HTR3A: variants seen among roughly 807,000 people sequenced by gnomAD.
HTR3A encodes 5-hydroxytryptamine (serotonin) receptor 3A, ionotropic.
HTR3A carries 45 observed loss-of-function variants against 54.8 expected under a neutral mutation model. The ratio of observed to expected loss-of-function variants is 0.82; its 90% CI spans 0.65 to 1.05. HTR3A has a LOEUF of 1.05. HTR3A is among the 50% of genes least tolerant of loss of function. HTR3A has a pLI of 0.00. For synonymous variants in HTR3A, 297 were observed against 256.0 expected, an observed-to-expected ratio of 1.16 and a Z score of -1.53; for missense variants, 657 against 614.0, an observed-to-expected ratio of 1.07 and a Z score of -0.74.
chr11:113,986,388 C>G, intron 6 of HTR3A, 130 bp from the exon 7 acceptor site: 1 of 1,137,870 alleles, frequency 8.8e-7, no homozygotes, highest in South Asian at 1.3e-5. Context: ...GTATGGGGGT[C>G]TGTCTGTTTT....
At chr11:113,978,942 T>C (rs1950387930) in intron 2 of HTR3A, among the ~76,000 whole-genome samples, 1 of 152,156 alleles carries the variant, frequency 6.6e-6, no homozygotes, top group Non-Finnish European at 1.5e-5. Flanking sequence ...TGAGCTGAGA[T>C]TGTGCCACTG....
intron 1 of HTR3A, among the ~76,000 whole-genome samples, chr11:113,976,216 G>A (rs558685081): frequency 5.3e-5 from 8 of 152,226 alleles, no homozygotes; most frequent in Admixed American, 2.6e-4. Flanking sequence ...GGAGTGCTCC[G>A]TGGGTTAAGC....
intron 1 of HTR3A, 35 bp from the exon 2 acceptor site, chr11:113,977,736 G>T (rs754854001): frequency 1.2e-6 from 2 of 1,610,026 alleles, no homozygotes; most frequent in Non-Finnish European, 1.7e-6. Flanking sequence ...AGTCTTGGGG[G>T]GCTGGTGTCT....
intron 3 of HTR3A, among the ~76,000 whole-genome samples, chr11:113,979,610 T>C (rs1162538397): frequency 6.6e-6 from 1 of 152,180 alleles, no homozygotes; most frequent in Non-Finnish European, 1.5e-5. Context: ...CCATTCTTCC[T>C]TCTATTCAGC....
intron 4 of HTR3A, among the ~76,000 whole-genome samples, chr11:113,982,711 C>T (rs915386384): frequency 6.6e-6 from 1 of 152,184 alleles, no homozygotes; most frequent in African/African-American, 2.4e-5. Context: ...CAGGATGGAA[C>T]ACAAGATCCT....
Position 113,986,181 on chromosome 11 carries a change from T to G in HTR3A, c.705+6T>G. On this transcript the variant is annotated splice_donor_region_variant and intron_variant, in intron 6 of 8. Coordinates refer to ENST00000504030, the MANE Select transcript of HTR3A (RefSeq NM_000869.6). ...ATGCAGAAATGAAGTTCTATGTGAG[T>G]GGGAGTGAATGTGGGTAAAATGGTG... The G allele has an allele frequency of 1.2e-6, 2 of 1,613,998 alleles. No homozygotes were observed. The highest frequency in any genetic ancestry group is 1.7e-6 in the Non-Finnish European group (2 of 1,179,974).
chr11:113,983,049 C>T, intron 4 of HTR3A, 71 bp from the exon 5 acceptor site: 2 of 1,577,556 alleles, frequency 1.3e-6, no homozygotes, highest in South Asian at 1.1e-5. Context: ...CCCAGTTGTT[C>T]CAAGATCTTC....
chr11:113,984,778 T>C (rs888769237), intron 5 of HTR3A, among the ~76,000 whole-genome samples: 9 of 152,210 alleles, frequency 5.9e-5, no homozygotes, highest in South Asian at 2.1e-4. Flanking sequence ...ATTAGCCAGG[T>C]GCAGTGGCAG....
intron 2 of HTR3A, among the ~76,000 whole-genome samples, chr11:113,978,563 G>T (rs944362853): frequency 3.3e-5 from 5 of 152,136 alleles, no homozygotes; most frequent in African/African-American, 7.2e-5. Context: ...TAGAGACAGG[G>T]TTTTTCCATA....
At chr11:113,985,533 T>C (rs1338570766) in intron 5 of HTR3A, among the ~76,000 whole-genome samples, 1 of 152,230 alleles carries the variant, frequency 6.6e-6, no homozygotes, top group Non-Finnish European at 1.5e-5. Flanking sequence ...GCTGCAGATC[T>C]TGAGAAGTGG....
chr11:113,976,604 T>C (rs1245165447), intron 1 of HTR3A, among the ~76,000 whole-genome samples: 1 of 147,944 alleles, frequency 6.8e-6, no homozygotes, highest in African/African-American at 2.5e-5. Context: ...TGTGTGTGTG[T>C]GTGTGTGTGT....
rs369239075 is a variant in HTR3A, at chr11:113,977,883, C to A, written c.180C>A (p.Thr60=). ...TGAGGGACTGGAGGAAGCCAACCAC[C>A]GTATCCATTGACGTCATTGTCTATG... is the stretch of plus-strand genomic sequence containing the variant. ...RPVRDWRKPT[T]VSIDVIVYAI... Residue 60 remains threonine, a synonymous_variant, in exon 2 of 9, where the codon ACC becomes ACA. Coordinates refer to ENST00000504030, the MANE Select transcript of HTR3A (RefSeq NM_000869.6). 1.9e-5 allele frequency: 30 copies of A among 1,614,188 alleles called. 1 individual carries two copies. The South Asian group carries it at 3.2e-4, about 17-fold the overall frequency.
intron 4 of HTR3A, among the ~76,000 whole-genome samples, chr11:113,981,691 G>T (rs1281331440): frequency 6.6e-6 from 1 of 152,152 alleles, no homozygotes; most frequent in Non-Finnish European, 1.5e-5. Flanking sequence ...AGACTCAGTG[G>T]CTCACACCTG....
chr11:113,981,021 G>A, intron 3 of HTR3A, 182 bp from the exon 4 acceptor site: 3 of 621,126 alleles, frequency 4.8e-6, no homozygotes, highest in Admixed American at 4.7e-5. Flanking sequence ...GGCAGAGTGT[G>A]AATGAAGAGG....
At chr11:113,985,641 T>C (rs533761382) in intron 5 of HTR3A, among the ~76,000 whole-genome samples, 2 of 152,262 alleles carry the variant, frequency 1.3e-5, no homozygotes, top group Non-Finnish European at 2.9e-5. Flanking sequence ...TTGACTTTTG[T>C]TCATTGTTGC....
rs139863344 is a variant in HTR3A, at chr11:113,989,757, C to A, written c.1431C>A (p.Tyr477Ter). 2 of 1,610,186 alleles carry A rather than the reference C, an allele frequency of 1.2e-6. No individual in the cohort carries two copies. The highest frequency in any genetic ancestry group is 1.7e-5 in the Admixed American group (1 of 60,022). ...TLVMLWSIWQYA is the reference protein window; with the variant it reads ...TLVMLWSIWQ ...TTATGCTCTGGTCCATCTGGCAGTA[C>A]GCTTGAGTGGGTACAGCCCAGTGGA... Residue 477 changes from tyrosine (Y) to a stop codon, truncating the protein, a stop_gained, in exon 9 of 9, where the codon TAC (tyrosine) becomes TAA (stop). Transcript: ENST00000504030. LOFTEE classifies it high-confidence loss of function. This position sits in a 1 kb window ranked among gnomAD's most constrained non-coding sequence, Gnocchi z 4.4.
chr11:113,979,331 C>T (rs952649446), intron 3 of HTR3A, 54 bp downstream of exon 3: 22 of 1,417,508 alleles, frequency 1.6e-5, no homozygotes, highest in Middle Eastern at 1.7e-4. Context: ...GGGAAGGAGT[C>T]GGGAATTCGG....
intron 1 of HTR3A, among the ~76,000 whole-genome samples, chr11:113,976,571 TTGTGTG>T (rs34498899): frequency 0.25 from 33,474 of 135,252 alleles, 4,877 homozygotes; most frequent in East Asian, 0.31. Context: ...AAAAAATAGT[TTGTGTG>T]TGTGTGTGTG....
intron 8 of HTR3A, among the ~76,000 whole-genome samples, chr11:113,987,405 A>G (rs1950506212): frequency 1.3e-5 from 2 of 152,076 alleles, no homozygotes; most frequent in African/African-American, 4.8e-5. Flanking sequence ...CACACGGTTA[A>G]ATACTGCCAC....
Sources: gnomAD v4.1 joint callset for allele counts (sites outside exome capture counted in the v4.1 genomes callset) on GRCh38, gnomAD v4.1.1 for gene constraint, Gnocchi (gnomAD v3.1) non-coding constraint, MANE v1.5 for transcripts, NCBI Gene and HGNC (gene_info 2026-07-23, HGNC 2026-07-21) for gene names.